PTPRM: variants seen among roughly 807,000 people sequenced by gnomAD.
The protein encoded by PTPRM is receptor-type tyrosine-protein phosphatase mu.
PTPRM carries 47 observed loss-of-function variants against 186.7 expected under a neutral mutation model. That is an observed-to-expected ratio of 0.25 (90% confidence interval 0.20 to 0.32). The LOEUF (loss-of-function observed/expected upper bound fraction) is 0.32, where lower values mean the gene tolerates loss of function less well. PTPRM is among the 10% of genes least tolerant of loss of function. The probability of loss-of-function intolerance (pLI) is 1.00; values close to 1 mark genes in which losing one functional copy is unlikely to be tolerated. For missense variants in PTPRM, 1,494 were observed against 1,865.0 expected (o/e 0.80, Z 3.66); for synonymous variants, 668 against 674.9 (o/e 0.99, Z 0.16).
intron 14 of PTPRM, among the ~76,000 whole-genome samples, chr18:8,242,178 C>A (rs2094439652): frequency 6.6e-6 from 1 of 151,896 alleles, no homozygotes; most frequent in African/African-American, 2.4e-5. Flanking sequence ...TCTTTATAGG[C>A]AGAACAAAAA....
chr18:8,127,008 G>A (rs943701700), intron 13 of PTPRM, among the ~76,000 whole-genome samples: 1 of 151,976 alleles, frequency 6.6e-6, no homozygotes, highest in African/African-American at 2.4e-5. Flanking sequence ...AGGAGGAGTG[G>A]GAAACAATTG....
At chr18:8,135,044 TAA>T (rs1197947723) in intron 13 of PTPRM, among the ~76,000 whole-genome samples, 3 of 152,176 alleles carry the variant, frequency 2.0e-5, no homozygotes, top group Non-Finnish European at 4.4e-5. Context: ...AAAAATTATA[TAA>T]GTTACCCAGC....
intron 1 of PTPRM, 131 bp from the exon 2 acceptor site, chr18:7,774,018 A>T: frequency 1.1e-6 from 1 of 874,802 alleles, no homozygotes. Context: ...ACAGCTCCTG[A>T]GTGGAAAGAC....
chr18:7,963,386 A>G (rs1008718876), intron 7 of PTPRM, among the ~76,000 whole-genome samples: 7 of 152,210 alleles, frequency 4.6e-5, no homozygotes, highest in Non-Finnish European at 7.3e-5. Flanking sequence ...CTGCTGGAGC[A>G]ATTCTGCATG....
chr18:8,396,647 G>T (rs999888575), intron 32 of PTPRM, among the ~76,000 whole-genome samples: 5 of 152,238 alleles, frequency 3.3e-5, no homozygotes, highest in Non-Finnish European at 5.9e-5. Context: ...TGTATTATGT[G>T]TGATCCTGAG....
At chr18:7,987,784 T>C (rs1354398630) in intron 7 of PTPRM, among the ~76,000 whole-genome samples, 1 of 152,202 alleles carries the variant, frequency 6.6e-6, no homozygotes, top group East Asian at 1.9e-4. Context: ...AGCATTATGA[T>C]TCACTTTTGT....
chr18:7,989,653 A>G (rs779293553), intron 7 of PTPRM, among the ~76,000 whole-genome samples: 3 of 152,032 alleles, frequency 2.0e-5, no homozygotes, highest in Non-Finnish European at 4.4e-5. Flanking sequence ...AGCATAGCCA[A>G]TTCTTCTTGG....
At position 8,103,178 on chromosome 18, in the gene PTPRM, T is replaced by C. The variant is rs532139851; in HGVS notation, c.1857-10308T>C. Among the ~76,000 whole-genome samples, 19 of 152,296 alleles carry C rather than the reference T, an allele frequency of 1.2e-4. 1 individual carries two copies. The South Asian group carries it at 1.9e-3, about 15-fold the overall frequency. On this transcript the variant is annotated intron_variant, in intron 11 of 32. Transcript: ENST00000580170. ...AGCATGATTCTTAAGGGCCCTAGGA[T>C]GGTAAATGAGCATTGGCTTTAACTT... is the stretch of plus-strand genomic sequence containing the variant.
intron 1 of PTPRM, among the ~76,000 whole-genome samples, chr18:7,681,826 A>C (rs1245696932): frequency 3.3e-5 from 5 of 152,110 alleles, no homozygotes; most frequent in African/African-American, 1.2e-4. Context: ...AAGTATGTTT[A>C]TGGTTTAATT....
chr18:8,266,818 GA>G (rs1245692127), intron 19 of PTPRM, among the ~76,000 whole-genome samples: 1 of 152,052 alleles, frequency 6.6e-6, no homozygotes, highest in Non-Finnish European at 1.5e-5. Context: ...TGAGGCAGGA[GA>G]ATTGCTTGAA....
At chr18:7,992,248 A>AT (rs990055539) in intron 7 of PTPRM, among the ~76,000 whole-genome samples, 13 of 151,568 alleles carry the variant, frequency 8.6e-5, no homozygotes, top group Admixed American at 5.9e-4. Context: ...CAAAAGTGTA[A>AT]TTTTTTTTTG....
chr18:7,658,332 A>ATATATG (rs887985764), intron 1 of PTPRM, among the ~76,000 whole-genome samples: 1 of 73,162 alleles, frequency 1.4e-5, no homozygotes, highest in Non-Finnish European at 2.2e-5. Flanking sequence ...AAGTAAATTT[A>ATATATG]TATATATATA....
intron 2 of PTPRM, among the ~76,000 whole-genome samples, chr18:7,868,910 G>A (rs1470145077): frequency 6.6e-6 from 1 of 152,218 alleles, no homozygotes; most frequent in Non-Finnish European, 1.5e-5. Context: ...AGAGGAGGAA[G>A]CTAGAGAGGC....
chr18:7,768,198 A>G (rs992151632), intron 1 of PTPRM, among the ~76,000 whole-genome samples: 1 of 152,054 alleles, frequency 6.6e-6, no homozygotes, highest in African/African-American at 2.4e-5. Context: ...ATTTTCTTTG[A>G]TTTCTAAAAC....
chr18:7,776,828 A>AT (rs2042606992), intron 2 of PTPRM, among the ~76,000 whole-genome samples: 1 of 152,228 alleles, frequency 6.6e-6, no homozygotes, highest in African/African-American at 2.4e-5. Flanking sequence ...GAGGAGTTAC[A>AT]TTCTCAAAGC....
chr18:8,182,247 T>C (rs2093586227), intron 14 of PTPRM, among the ~76,000 whole-genome samples: 1 of 152,164 alleles, frequency 6.6e-6, no homozygotes, highest in Non-Finnish European at 1.5e-5. Context: ...AGAGGGTACG[T>C]GTGCAGGTTT....
At chr18:7,758,208 C>G (rs977793935) in intron 1 of PTPRM, among the ~76,000 whole-genome samples, 1 of 152,144 alleles carries the variant, frequency 6.6e-6, no homozygotes, top group Non-Finnish European at 1.5e-5. Context: ...TGCACAGATA[C>G]GCATTTGTCC....
intron 19 of PTPRM, among the ~76,000 whole-genome samples, chr18:8,275,536 A>G (rs937391124): frequency 2.6e-5 from 4 of 152,202 alleles, no homozygotes; most frequent in African/African-American, 9.7e-5. Flanking sequence ...TGTTTGAGGC[A>G]TGAATGCGGT....
intron 20 of PTPRM, 60 bp from the exon 21 acceptor site, chr18:8,314,721 C>A: frequency 7.8e-7 from 1 of 1,277,698 alleles, no homozygotes; most frequent in South Asian, 1.2e-5. Flanking sequence ...TTCTGGGGCT[C>A]AGAGCCACCT....
Sources: allele counts gnomAD v4.1 joint callset (sites outside exome capture counted in the v4.1 genomes callset), GRCh38; gene constraint gnomAD v4.1.1; transcripts MANE v1.5; gene names NCBI Gene and HGNC (gene_info 2026-07-23, HGNC 2026-07-21).